The following CEMIP variants were observed in gnomAD, a reference collection of about 807,000 sequenced individuals.
CEMIP encodes cell migration-inducing and hyaluronan-binding protein.
A neutral mutation model predicts 156.9 loss-of-function variants in CEMIP; 105 were observed. That is an observed-to-expected ratio of 0.67 (90% CI 0.57 to 0.79). CEMIP has a LOEUF of 0.79. CEMIP is among the 30% of genes least tolerant of loss of function. The pLI is 0.00. For synonymous variants in CEMIP, 676 were observed against 668.4 expected, an observed-to-expected ratio of 1.01 and a Z score of -0.17; for missense variants, 1,457 against 1,769.4, an observed-to-expected ratio of 0.82 and a Z score of 3.17.
intron 7 of CEMIP, 97 bp from the exon 8 acceptor site, chr15:80,887,597 C>G: frequency 1.1e-6 from 1 of 896,028 alleles, no homozygotes; most frequent in Non-Finnish European, 1.8e-6. Flanking sequence ...CCCTCCTTCA[C>G]CTGACGCTGC....
intron 1 of CEMIP, among the ~76,000 whole-genome samples, chr15:80,821,613 G>C (rs758276483): frequency 3.3e-5 from 5 of 152,212 alleles, no homozygotes. Flanking sequence ...CAGGCTGAAG[G>C]GTTGCCACTC....
intron 8 of CEMIP, 78 bp from the exon 9 acceptor site, chr15:80,888,623 G>T: frequency 8.9e-7 from 1 of 1,120,232 alleles, no homozygotes; most frequent in Non-Finnish European, 1.4e-6. Flanking sequence ...TGCGTAGGGG[G>T]GTTTCCTTGC....
At position 80,924,686 on chromosome 15, in the gene CEMIP, C is replaced by A. The variant is rs1189842564; in HGVS notation, c.2268C>A (p.Phe756Leu). The change falls in exon 18 of 30, where the codon TTC becomes TTA. Residue 756 changes from phenylalanine (F) to leucine (L), a missense_variant. Around this residue, in one of 5 missense-constraint regions of CEMIP, gnomAD observed 798 missense variants for 980.1 expected, o/e 0.81. Coordinates refer to ENST00000394685, the MANE Select transcript of CEMIP (RefSeq NM_001293298.2). ...CCTCTGCCAAGGACAAGCGGCCGTT[C>A]CTCTCAATCATCTCTGCCAGGTAAT... ...TEASAKDKRPFLSIISARYSP... is the reference protein window; with the variant it reads ...TEASAKDKRPLLSIISARYSP... 6.2e-7 allele frequency: 1 copy of A among 1,614,202 alleles called. No homozygotes were observed. Among genetic ancestry groups the A allele is most frequent in the Non-Finnish European group, 8.5e-7 (1 of 1,180,026 alleles).
At chr15:80,798,150 A>G (rs1896279698) in intron 1 of CEMIP, among the ~76,000 whole-genome samples, 1 of 152,254 alleles carries the variant, frequency 6.6e-6, no homozygotes, top group Admixed American at 6.5e-5. Context: ...TACAGAAATG[A>G]AAAAGAAAAA....
intron 12 of CEMIP, chr15:80,897,255 A>G (rs1337836181): frequency 2.9e-5 from 13 of 456,070 alleles, no homozygotes; most frequent in Middle Eastern, 3.3e-4. Context: ...TATACTCACC[A>G]TATCTATTAT....
intron 1 of CEMIP, among the ~76,000 whole-genome samples, chr15:80,794,698 A>G (rs1022898388): frequency 2.0e-5 from 3 of 152,204 alleles, no homozygotes; most frequent in Non-Finnish European, 2.9e-5. Flanking sequence ...GCATATCTCA[A>G]TTCGGACCTG....
chr15:80,853,081 A>G (rs1458485373), intron 1 of CEMIP, among the ~76,000 whole-genome samples: 1 of 152,194 alleles, frequency 6.6e-6, no homozygotes, highest in Non-Finnish European at 1.5e-5. Flanking sequence ...CACAGGAGAG[A>G]CATTGAGAAT....
At chr15:80,792,382 C>A (rs1896103523) in intron 1 of CEMIP, among the ~76,000 whole-genome samples, 1 of 152,198 alleles carries the variant, frequency 6.6e-6, no homozygotes, top group Non-Finnish European at 1.5e-5. Flanking sequence ...GTGTAATAAA[C>A]TGGGAAAGGG....
At chr15:80,796,723 C>T (rs1022987915) in intron 1 of CEMIP, among the ~76,000 whole-genome samples, 15 of 152,190 alleles carry the variant, frequency 9.9e-5, no homozygotes, top group African/African-American at 3.6e-4. Context: ...CCACTCTACA[C>T]CAGACATGGA....
At chr15:80,831,826 T>G (rs1897163667) in intron 1 of CEMIP, among the ~76,000 whole-genome samples, 1 of 152,220 alleles carries the variant, frequency 6.6e-6, no homozygotes, top group South Asian at 2.1e-4. Flanking sequence ...AGAGGGACTC[T>G]GGGTGCAGCT....
At chr15:80,871,271 GC>G (rs1898281515) in intron 1 of CEMIP, among the ~76,000 whole-genome samples, 1 of 152,218 alleles carries the variant, frequency 6.6e-6, no homozygotes, top group Non-Finnish European at 1.5e-5. Context: ...TGTGGGATTA[GC>G]CTCTTTGGGC....
chr15:80,782,964 G>A (rs1367274191), intron 1 of CEMIP, among the ~76,000 whole-genome samples: 2 of 152,162 alleles, frequency 1.3e-5, no homozygotes, highest in Admixed American at 1.3e-4. Context: ...CCAATGAGGG[G>A]AGGAACTGTC....
In CEMIP at chr15:80,938,850, G is replaced by A. The variant is rs181379239; in HGVS notation, c.3407+871G>A. 6.6e-5 allele frequency among the ~76,000 whole-genome samples: 10 copies of A among 152,280 alleles called. No individual in the cohort carries two copies. In the East Asian group the frequency reaches 1.7e-3, roughly 26 times the overall value. ...AATGCCAACCCAGCTCCACAGCAAC[G>A]TCGATAGCAAACTGTGAGGAGTAAG... On this transcript the variant is annotated intron_variant, in intron 25 of 29. Transcript: ENST00000394685.
chr15:80,905,183 G>A lies in CEMIP; in HGVS notation c.1412-1480G>A, dbSNP rs188682034. 2.4e-4 allele frequency among the ~76,000 whole-genome samples: 37 copies of A among 152,320 alleles called. No homozygotes were observed. The East Asian group carries it at 6.6e-3, about 27-fold the overall frequency. ...TCACATGTGAACACTGGCAGTGTCT[G>A]GGGGCTGAGGCCAGTGCTCCATTGC... On this transcript the variant is annotated intron_variant, in intron 12 of 29. Coordinates refer to ENST00000394685, the MANE Select transcript of CEMIP (RefSeq NM_001293298.2).
At chr15:80,915,086 A>G (rs762256251) in intron 14 of CEMIP, among the ~76,000 whole-genome samples, 24 of 152,178 alleles carry the variant, frequency 1.6e-4, no homozygotes, top group Non-Finnish European at 1.0e-4. Context: ...CAGATCTGAA[A>G]AATATCTCAA....
chr15:80,824,889 G>A (rs1228577522), intron 1 of CEMIP, among the ~76,000 whole-genome samples: 4 of 152,146 alleles, frequency 2.6e-5, no homozygotes, highest in African/African-American at 9.7e-5. Context: ...CTCCAGCTCA[G>A]AAAGTGATCT....
intron 16 of CEMIP, 121 bp downstream of exon 16, chr15:80,921,222 C>T (rs939393860): frequency 1.4e-5 from 12 of 853,340 alleles, no homozygotes; most frequent in African/African-American, 6.8e-5. Flanking sequence ...TCCATGCAGA[C>T]GGGCTTAGCT....
chr15:80,877,877 A>G (rs1017490110), intron 3 of CEMIP, among the ~76,000 whole-genome samples: 1 of 152,238 alleles, frequency 6.6e-6, no homozygotes, highest in African/African-American at 2.4e-5. Flanking sequence ...ATGCCATCAG[A>G]GCAGCATCAG....
intron 25 of CEMIP, among the ~76,000 whole-genome samples, chr15:80,940,349 A>G (rs1380027182): frequency 6.6e-6 from 1 of 152,226 alleles, no homozygotes; most frequent in African/African-American, 2.4e-5. Flanking sequence ...TATAATGGCA[A>G]CAAGGAAACC....
Sources: gnomAD v4.1 joint callset for allele counts (sites outside exome capture counted in the v4.1 genomes callset) on GRCh38, gnomAD v4.1.1 for gene constraint, gnomAD v4.1.1 regional missense constraint, MANE v1.5 for transcripts, NCBI Gene and HGNC (gene_info 2026-07-23, HGNC 2026-07-21) for gene names.